Variants in ANO4 observed in about 807,000 individuals in gnomAD.
The protein encoded by ANO4 is anoctamin 4, also known as anoctamin-4.
In ANO4, 69 loss-of-function variants were observed where a neutral mutation model predicts 141.9. The ratio of observed to expected loss-of-function variants is 0.49; its 90% confidence interval spans 0.40 to 0.59. The LOEUF (loss-of-function observed/expected upper bound fraction) is 0.59. Ranked by LOEUF, ANO4 falls within the 20% of genes least tolerant of loss-of-function variation. The pLI, the probability that ANO4 is intolerant of heterozygous loss-of-function variation, is 0.00. For synonymous variants in ANO4, 350 were observed against 394.3 expected (o/e 0.89, Z 1.33); for missense variants, 894 against 1,162.2 (o/e 0.77, Z 3.36).
chr12:100,795,329 G>A (rs1277315827), intron 1 of ANO4, among the ~76,000 whole-genome samples: 2 of 152,212 alleles, frequency 1.3e-5, no homozygotes, highest in African/African-American at 4.8e-5. Flanking sequence ...AGCGTGCAGG[G>A]AATCTGTGGA....
At chr12:100,909,893 CT>C (rs2041023834) in intron 2 of ANO4, among the ~76,000 whole-genome samples, 1 of 152,134 alleles carries the variant, frequency 6.6e-6, no homozygotes, top group South Asian at 2.1e-4. Context: ...AGTATTAGGG[CT>C]GCCAAATTAA....
chr12:100,923,960 C>T (rs970919018), intron 3 of ANO4, among the ~76,000 whole-genome samples: 2 of 152,056 alleles, frequency 1.3e-5, no homozygotes, highest in African/African-American at 4.8e-5. Context: ...TGTTCATATC[C>T]TTTGCCCACT....
chr12:101,060,844 CTG>C (rs1362255650), intron 14 of ANO4, among the ~76,000 whole-genome samples: 1 of 152,072 alleles, frequency 6.6e-6, no homozygotes, highest in African/African-American at 2.4e-5. Context: ...GTTTGCCAAC[CTG>C]TGTCTTTTAA....
At chr12:101,094,827 A>G (rs1287598014) in intron 18 of ANO4, among the ~76,000 whole-genome samples, 2 of 150,340 alleles carry the variant, frequency 1.3e-5, no homozygotes, top group African/African-American at 5.0e-5. Flanking sequence ...CTCTACAAAA[A>G]AATTAAAAAA....
chr12:100,797,511 C>T (rs1265993983), intron 1 of ANO4, among the ~76,000 whole-genome samples: 1 of 152,126 alleles, frequency 6.6e-6, no homozygotes, highest in Non-Finnish European at 1.5e-5. Context: ...GTGATGAAGT[C>T]ACTGCAACAT....
At chr12:100,871,725 G>A (rs1462170594) in intron 1 of ANO4, among the ~76,000 whole-genome samples, 1 of 152,146 alleles carries the variant, frequency 6.6e-6, no homozygotes, top group Non-Finnish European at 1.5e-5. Context: ...TTCATACATA[G>A]CCATCTTCTC....
intron 26 of ANO4, among the ~76,000 whole-genome samples, chr12:101,120,929 C>G (rs577546590): frequency 2.0e-5 from 3 of 152,280 alleles, no homozygotes; most frequent in African/African-American, 7.2e-5. Flanking sequence ...CATCCTCACT[C>G]CCAGATATTC....
intron 7 of ANO4, among the ~76,000 whole-genome samples, chr12:100,984,119 C>A (rs573746980): frequency 3.9e-5 from 6 of 152,152 alleles, no homozygotes; most frequent in African/African-American, 1.4e-4. Context: ...ATTTATGACA[C>A]GGAGTCTTAC....
At chr12:100,724,062 T>A (rs2030992750) in intron 1 of ANO4, among the ~76,000 whole-genome samples, 2 of 152,176 alleles carry the variant, frequency 1.3e-5, no homozygotes, top group Non-Finnish European at 2.9e-5. Context: ...GTTTCATGGA[T>A]CTTATGATGT....
At chr12:100,890,327 C>T (rs982016193) in intron 1 of ANO4, among the ~76,000 whole-genome samples, 1 of 152,104 alleles carries the variant, frequency 6.6e-6, no homozygotes, top group African/African-American at 2.4e-5. Context: ...TATTGCTTCC[C>T]TATTTAATAA....
intron 2 of ANO4, among the ~76,000 whole-genome samples, chr12:100,920,321 A>C (rs192408626): frequency 1.3e-3 from 196 of 152,294 alleles, no homozygotes; most frequent in African/African-American, 4.5e-3. Flanking sequence ...GACTTTGGGC[A>C]AATTACTCCA....
At chr12:100,813,725 C>G (rs2035576604) in intron 1 of ANO4, among the ~76,000 whole-genome samples, 1 of 152,066 alleles carries the variant, frequency 6.6e-6, no homozygotes, top group African/African-American at 2.4e-5. Flanking sequence ...GGAGCTTGAG[C>G]TTGGTCAGAT....
At chr12:100,859,601 AT>A (rs1472287615) in intron 1 of ANO4, among the ~76,000 whole-genome samples, 1 of 152,200 alleles carries the variant, frequency 6.6e-6, no homozygotes, top group African/African-American at 2.4e-5. Flanking sequence ...GAAGACAAAC[AT>A]TTAAAGTGTT....
chr12:100,751,017 C>T (rs987644137), intron 3 of ANO4, among the ~76,000 whole-genome samples: 1 of 152,156 alleles, frequency 6.6e-6, no homozygotes, highest in Non-Finnish European at 1.5e-5. Flanking sequence ...AACATGGCCT[C>T]AGCCCTCACA....
chr12:100,880,410 G>A (rs530008709), intron 1 of ANO4, among the ~76,000 whole-genome samples: 1 of 152,194 alleles, frequency 6.6e-6, no homozygotes, highest in African/African-American at 2.4e-5. Context: ...TCATTTGACA[G>A]ATGAGGAGAT....
At chr12:100,977,369 A>G (rs2044245428) in intron 7 of ANO4, among the ~76,000 whole-genome samples, 3 of 152,084 alleles carry the variant, frequency 2.0e-5, no homozygotes, top group Admixed American at 2.0e-4. Flanking sequence ...CATTGGCTCT[A>G]CTTCCCACAC....
chr12:100,821,910 G>A (rs1281082887), intron 1 of ANO4, among the ~76,000 whole-genome samples: 1 of 151,904 alleles, frequency 6.6e-6, no homozygotes, highest in Non-Finnish European at 1.5e-5. Flanking sequence ...TTTAAATTTT[G>A]ATGGATATTC....
At chr12:101,112,865 T>C (rs1025451065) in intron 24 of ANO4, among the ~76,000 whole-genome samples, 3 of 152,262 alleles carry the variant, frequency 2.0e-5, no homozygotes, top group Admixed American at 2.0e-4. Flanking sequence ...ACTAATTATC[T>C]AGCAACTTTT....
chr12:101,100,625 A>C (rs1019098180), intron 22 of ANO4, among the ~76,000 whole-genome samples: 2 of 152,214 alleles, frequency 1.3e-5, no homozygotes, highest in African/African-American at 4.8e-5. Flanking sequence ...ATGAACAATA[A>C]TGTTGGTATA....
Sources: gnomAD v4.1 joint callset for allele counts (sites outside exome capture counted in the v4.1 genomes callset) on GRCh38, gnomAD v4.1.1 for gene constraint, MANE v1.5 for transcripts, NCBI Gene and HGNC (gene_info 2026-07-23, HGNC 2026-07-21) for gene names.